Variants in GRM5 observed in about 807,000 individuals in gnomAD.
GRM5 encodes metabotropic glutamate receptor 5.
A neutral mutation model predicts 83.1 loss-of-function variants in GRM5; 19 were observed. The observed-to-expected ratio is 0.23, with a 90% CI of 0.16 to 0.34. The LOEUF is 0.34. Among genes scored for constraint, GRM5 ranks in the 10% least tolerant of loss-of-function variants. The pLI is 1.00. For missense variants in GRM5, 1,160 were observed against 1,588.3 expected (o/e 0.73, Z 4.58); for synonymous variants, 675 against 633.6 (o/e 1.07, Z -0.98).
chr11:88,683,570 T>C (rs980469401), intron 3 of GRM5, among the ~76,000 whole-genome samples: 1 of 152,222 alleles, frequency 6.6e-6, no homozygotes, highest in African/African-American at 2.4e-5. Context: ...AACTCACTAA[T>C]ATTCCCTCAG....
chr11:89,040,376 G>A (rs748407930), intron 2 of GRM5, among the ~76,000 whole-genome samples: 1 of 151,870 alleles, frequency 6.6e-6, no homozygotes, highest in Non-Finnish European at 1.5e-5. Flanking sequence ...AAACAAAAAC[G>A]CTTCCAGATA....
intron 6 of GRM5, among the ~76,000 whole-genome samples, chr11:88,592,705 TTA>T (rs1937669338): frequency 6.6e-6 from 1 of 152,262 alleles, no homozygotes; most frequent in South Asian, 2.1e-4. Flanking sequence ...AGAAATTGTT[TTA>T]TGTTTTCATA....
chr11:88,911,248 A>G (rs978865895), intron 2 of GRM5, among the ~76,000 whole-genome samples: 1 of 152,104 alleles, frequency 6.6e-6, no homozygotes, highest in African/African-American at 2.4e-5. Context: ...GTCTCTGGGC[A>G]CTCATAAGAG....
At chr11:88,947,945 A>G (rs1938334959) in intron 2 of GRM5, among the ~76,000 whole-genome samples, 2 of 152,136 alleles carry the variant, frequency 1.3e-5, no homozygotes, top group Non-Finnish European at 2.9e-5. Context: ...CGCAAATTGG[A>G]TAGTGTAGCG....
intron 2 of GRM5, among the ~76,000 whole-genome samples, chr11:89,011,189 T>C (rs1054352294): frequency 6.6e-5 from 10 of 152,226 alleles, no homozygotes; most frequent in Admixed American, 6.5e-4. Context: ...AGCCCTTTTT[T>C]CTTTCGTTTT....
chr11:88,958,289 AT>A (rs1938684510), intron 2 of GRM5, among the ~76,000 whole-genome samples: 1 of 150,558 alleles, frequency 6.6e-6, no homozygotes, highest in Non-Finnish European at 1.5e-5. Context: ...TTTACTGCAC[AT>A]AATATAGTAT....
intron 3 of GRM5, among the ~76,000 whole-genome samples, chr11:88,733,586 C>A (rs1474786033): frequency 6.6e-6 from 1 of 151,882 alleles, no homozygotes; most frequent in East Asian, 1.9e-4. Flanking sequence ...TCAGAAATTG[C>A]AAGCTATTAT....
chr11:88,757,522 T>A (rs558411994), intron 3 of GRM5, among the ~76,000 whole-genome samples: 1 of 152,218 alleles, frequency 6.6e-6, no homozygotes. Flanking sequence ...CACCCCTGCC[T>A]GCTCTGAGCA....
At chr11:88,672,364 A>C (rs933741909) in intron 3 of GRM5, among the ~76,000 whole-genome samples, 13 of 151,986 alleles carry the variant, frequency 8.6e-5, no homozygotes, top group African/African-American at 3.1e-4. Context: ...GTCCTAAATC[A>C]AGCTTATACT....
chr11:89,043,547 G>A (rs1208676435), intron 2 of GRM5, among the ~76,000 whole-genome samples: 5 of 150,716 alleles, frequency 3.3e-5, no homozygotes, highest in South Asian at 2.1e-4. Flanking sequence ...TTTCATATTC[G>A]AATTTCAAGA....
chr11:88,667,612 G>A (rs1052652534), intron 3 of GRM5, among the ~76,000 whole-genome samples: 1 of 152,146 alleles, frequency 6.6e-6, no homozygotes, highest in Admixed American at 6.6e-5. Flanking sequence ...GAAAAAGTTA[G>A]GCCAGGCGCA....
At chr11:88,816,746 C>CA (rs34178436) in intron 3 of GRM5, among the ~76,000 whole-genome samples, 69,983 of 122,116 alleles carry the variant, frequency 0.57, 19,905 homozygotes, top group South Asian at 0.73. Context: ...CAGATTGGTC[C>CA]AAAAAAAAAA....
At chr11:88,577,702 A>G (rs1218875924) in intron 7 of GRM5, among the ~76,000 whole-genome samples, 1 of 152,118 alleles carries the variant, frequency 6.6e-6, no homozygotes, top group Non-Finnish European at 1.5e-5. Context: ...GAGCATTTGA[A>G]AGGAACCATA....
In GRM5 at chr11:88,509,199, G is replaced by A; in HGVS notation, c.3032C>T (p.Pro1011Leu). The A allele has an allele frequency of 6.5e-7, 1 of 1,534,238 alleles. No individual in the cohort carries two copies. Among genetic ancestry groups the A allele is most frequent in the Non-Finnish European group, 8.8e-7 (1 of 1,142,782 alleles). ...YDVAEAEEHF[P>L]APARPRSPSP... Reference sequence around the variant, plus strand: ...CGGTGAGCGCGGCCGCGCGGGCGCCGGGAAGTGCTCCTCAGCCTCGGCCAC... The same window carrying A: ...CGGTGAGCGCGGCCGCGCGGGCGCCAGGAAGTGCTCCTCAGCCTCGGCCAC... Residue 1011 changes from proline to leucine, a missense_variant, in exon 10 of 10, where the codon CCG becomes CTG. Physicochemically the swap from Pro to Leu is moderately conservative, Grantham distance 98. Transcript: ENST00000305447.
chr11:88,991,754 A>G (rs917584539), intron 2 of GRM5, among the ~76,000 whole-genome samples: 1 of 152,082 alleles, frequency 6.6e-6, no homozygotes, highest in Non-Finnish European at 1.5e-5. Flanking sequence ...CAAAAACAAG[A>G]AATGGGGAAA....
At chr11:88,817,016 A>C (rs1943704558) in intron 3 of GRM5, among the ~76,000 whole-genome samples, 1 of 152,154 alleles carries the variant, frequency 6.6e-6, no homozygotes, top group Non-Finnish European at 1.5e-5. Flanking sequence ...GTACCTTTTT[A>C]CCAAACAAAT....
intron 1 of GRM5, among the ~76,000 whole-genome samples, chr11:89,054,365 G>C (rs1246149471): frequency 1.3e-5 from 2 of 152,142 alleles, no homozygotes; most frequent in African/African-American, 4.8e-5. Flanking sequence ...GGCTGTGGTG[G>C]AGAATGCGGC....
chr11:88,738,924 C>T (rs780424090), intron 3 of GRM5, among the ~76,000 whole-genome samples: 34 of 152,068 alleles, frequency 2.2e-4, no homozygotes, highest in East Asian at 1.9e-4. Context: ...CTCTCTTCTT[C>T]GCCTATCTTT....
intron 6 of GRM5, among the ~76,000 whole-genome samples, chr11:88,592,844 G>C (rs1213651705): frequency 6.6e-6 from 1 of 152,120 alleles, no homozygotes; most frequent in Non-Finnish European, 1.5e-5. Context: ...ACAGAGTCTT[G>C]CATTGTTGCT....
Sources: allele counts gnomAD v4.1 joint callset (sites outside exome capture counted in the v4.1 genomes callset), GRCh38; gene constraint gnomAD v4.1.1; transcripts MANE v1.5; gene names NCBI Gene and HGNC (gene_info 2026-07-23, HGNC 2026-07-21).